Variants in TCF12 observed in about 807,000 individuals in gnomAD.
TCF12 encodes the protein DNA-binding protein HTF4.
TCF12 carries 45 observed loss-of-function variants against 86.0 expected under a neutral mutation model. The ratio of observed to expected loss-of-function variants is 0.52; its 90% confidence interval spans 0.41 to 0.67. TCF12 has a LOEUF of 0.67. Ranked by LOEUF, TCF12 falls within the 30% of genes least tolerant of loss-of-function variation. The pLI is 0.00. For missense variants in TCF12, 881 were observed against 859.9 expected, an observed-to-expected ratio of 1.02 and a Z score of -0.31; for synonymous variants, 330 against 299.6, an observed-to-expected ratio of 1.10 and a Z score of -1.05.
At chr15:57,185,117 A>C (rs1229346260) in intron 6 of TCF12, among the ~76,000 whole-genome samples, 6 of 152,142 alleles carry the variant, frequency 3.9e-5, no homozygotes, top group African/African-American at 1.2e-4. Flanking sequence ...TTGCCTGGTA[A>C]TTGAAATTGT....
chr15:57,025,146 C>A (rs1003745539), intron 3 of TCF12, among the ~76,000 whole-genome samples: 1 of 151,928 alleles, frequency 6.6e-6, no homozygotes, highest in Non-Finnish European at 1.5e-5. Context: ...GTGGCACGAT[C>A]GCAGCTCATT....
intron 12 of TCF12, among the ~76,000 whole-genome samples, chr15:57,237,756 A>G (rs1201365896): frequency 2.6e-5 from 4 of 152,232 alleles, no homozygotes; most frequent in Admixed American, 2.6e-4. Flanking sequence ...CTGATTTAGA[A>G]TAAAGCCAAA....
At chr15:57,246,540 C>CA in intron 13 of TCF12, among the ~76,000 whole-genome samples, 1 of 80,174 alleles carries the variant, frequency 1.2e-5, no homozygotes. Context: ...TACATGCAGA[C>CA]ATATCTCCAG....
At chr15:57,043,520 G>A (rs1286157243) in intron 3 of TCF12, among the ~76,000 whole-genome samples, 3 of 151,984 alleles carry the variant, frequency 2.0e-5, no homozygotes, top group African/African-American at 7.3e-5. Context: ...GTCTCACTGT[G>A]GTTTTGATTT....
chr15:56,963,047 T>C (rs56404204), intron 3 of TCF12, among the ~76,000 whole-genome samples: 4,493 of 150,140 alleles, frequency 0.03, 195 homozygotes, highest in East Asian at 0.25. Flanking sequence ...TTTTTTTTTT[T>C]TTACCTTCTG....
intron 3 of TCF12, among the ~76,000 whole-genome samples, chr15:57,052,199 G>A (rs1471578487): frequency 1.3e-5 from 2 of 152,134 alleles, no homozygotes; most frequent in African/African-American, 2.4e-5. Flanking sequence ...TGAGAACAGT[G>A]TGCTAATATC....
intron 13 of TCF12, chr15:57,247,745 C>G: frequency 1.4e-6 from 1 of 734,608 alleles, no homozygotes; most frequent in Admixed American, 1.8e-5. Flanking sequence ...CACTACACAC[C>G]TGTCAGCCTT....
chr15:57,271,274 C>T (rs2061128790), intron 18 of TCF12, among the ~76,000 whole-genome samples: 1 of 152,230 alleles, frequency 6.6e-6, no homozygotes, highest in South Asian at 2.1e-4. Context: ...CATAAAACCA[C>T]CTACTCAAGC....
At chr15:57,249,543 A>G (rs1164353526) in intron 13 of TCF12, among the ~76,000 whole-genome samples, 2 of 152,166 alleles carry the variant, frequency 1.3e-5, no homozygotes, top group African/African-American at 4.8e-5. Context: ...TCTGTATCCA[A>G]CTTTTCAACT....
chr15:57,122,511 C>G (rs2051312593), intron 5 of TCF12, among the ~76,000 whole-genome samples: 1 of 152,136 alleles, frequency 6.6e-6, no homozygotes, highest in Non-Finnish European at 1.5e-5. Flanking sequence ...TAGAAACAAA[C>G]TTGAGAAGTC....
chr15:57,248,178 A>G (rs2059948535), intron 13 of TCF12: 2 of 692,328 alleles, frequency 2.9e-6, no homozygotes, highest in East Asian at 5.4e-5. Context: ...CTTACGTCTT[A>G]TTGGCCAGCA....
At chr15:57,170,562 T>G (rs2055240101) in intron 6 of TCF12, among the ~76,000 whole-genome samples, 2 of 139,738 alleles carry the variant, frequency 1.4e-5, no homozygotes, top group South Asian at 4.4e-4. Context: ...AAAGGTTATT[T>G]GGGTCTTCAT....
At chr15:56,999,748 C>T (rs1307614008) in intron 3 of TCF12, among the ~76,000 whole-genome samples, 1 of 152,010 alleles carries the variant, frequency 6.6e-6, no homozygotes, top group Admixed American at 6.6e-5. Flanking sequence ...GTGGTGCATG[C>T]CTGTAGTCCC....
At chr15:57,124,004 G>T (rs1404713313) in intron 5 of TCF12, among the ~76,000 whole-genome samples, 1 of 113,052 alleles carries the variant, frequency 8.8e-6, no homozygotes, top group Admixed American at 9.7e-5. Flanking sequence ...TTTCCATAGG[G>T]ACACAGTCTC....
intron 3 of TCF12, among the ~76,000 whole-genome samples, chr15:57,003,819 A>G (rs187150215): frequency 2.0e-5 from 3 of 152,350 alleles, no homozygotes; most frequent in Admixed American, 1.3e-4. Flanking sequence ...TGCAGACTGA[A>G]GAAGGAAGCT....
chr15:57,213,451 A>C lies in TCF12; in HGVS notation c.579+15626A>C, dbSNP rs530781498. Reference sequence around the variant, plus strand: ...CAAGAAGTATTAAAAAATTACTACCACTAGCAAGAATTTTTACTGAAACAA... The same window carrying C: ...CAAGAAGTATTAAAAAATTACTACCCCTAGCAAGAATTTTTACTGAAACAA... On this transcript the variant is annotated intron_variant, in intron 8 of 20. Coordinates refer to ENST00000333725, the MANE Select transcript of TCF12 (RefSeq NM_207037.2). Among the ~76,000 whole-genome samples the C allele has an allele frequency of 3.9e-5, 6 of 152,340 alleles. No homozygotes were observed. The East Asian group carries it at 1.2e-3, about 29-fold the overall frequency.
intron 8 of TCF12, among the ~76,000 whole-genome samples, chr15:57,212,791 G>C (rs753601552): frequency 6.6e-6 from 1 of 152,116 alleles, no homozygotes; most frequent in Non-Finnish European, 1.5e-5. Context: ...TAGGCTCAGG[G>C]AGAGTCAACG....
chr15:57,027,619 T>C (rs546259889), intron 3 of TCF12, among the ~76,000 whole-genome samples: 29 of 152,242 alleles, frequency 1.9e-4, no homozygotes. Context: ...GTTAATACTC[T>C]GAGAGAGTGG....
At chr15:57,018,679 A>C (rs533870219) in intron 3 of TCF12, among the ~76,000 whole-genome samples, 1 of 149,834 alleles carries the variant, frequency 6.7e-6, no homozygotes, top group East Asian at 2.0e-4. Context: ...GAGCTCAAGC[A>C]CTCCACCTGC....
Sources: allele counts gnomAD v4.1 joint callset (sites outside exome capture counted in the v4.1 genomes callset), GRCh38; gene constraint gnomAD v4.1.1; transcripts MANE v1.5; gene names NCBI Gene and HGNC (gene_info 2026-07-23, HGNC 2026-07-21).